Variants in ARSB observed in about 807,000 individuals in gnomAD.
ARSB encodes the protein N-acetylgalactosamine-4-sulfatase.
ARSB carries 41 observed loss-of-function variants against 50.9 expected under a neutral mutation model. The ratio of observed to expected loss-of-function variants is 0.81; its 90% CI spans 0.63 to 1.04. The LOEUF (loss-of-function observed/expected upper bound fraction) is 1.04. ARSB is among the 50% of genes least tolerant of loss of function. The probability of loss-of-function intolerance (pLI) is 0.00; values close to 1 mark genes in which losing one functional copy is unlikely to be tolerated. For missense variants in ARSB, 672 were observed against 693.3 expected, an observed-to-expected ratio of 0.97 and a Z score of 0.35; for synonymous variants, 269 against 284.8, an observed-to-expected ratio of 0.94 and a Z score of 0.56.
At chr5:78,854,295 A>G (rs2112068062) in intron 5 of ARSB, among the ~76,000 whole-genome samples, 1 of 152,180 alleles carries the variant, frequency 6.6e-6, no homozygotes, top group East Asian at 1.9e-4. Context: ...TTGCTTTTCT[A>G]GTTTCTTGAG....
At chr5:78,821,022 C>T (rs1316825147) in intron 6 of ARSB, among the ~76,000 whole-genome samples, 2 of 152,012 alleles carry the variant, frequency 1.3e-5, no homozygotes, top group East Asian at 1.9e-4. Context: ...TCCATAAATC[C>T]ATATTGTATA....
chr5:78,803,497 CTAA>C (rs1269503167), intron 6 of ARSB, among the ~76,000 whole-genome samples: 1 of 152,230 alleles, frequency 6.6e-6, no homozygotes, highest in Non-Finnish European at 1.5e-5. Context: ...CCTGGCAAAG[CTAA>C]GTGTGTGCTG....
At chr5:78,797,405 G>A (rs1743226338) in intron 6 of ARSB, among the ~76,000 whole-genome samples, 3 of 152,196 alleles carry the variant, frequency 2.0e-5, no homozygotes, top group Non-Finnish European at 4.4e-5. Flanking sequence ...CCAGACTGTT[G>A]TTTTGTGTAT....
chr5:78,972,039 A>G (rs1752474643), intron 1 of ARSB, among the ~76,000 whole-genome samples: 1 of 152,212 alleles, frequency 6.6e-6, no homozygotes, highest in Non-Finnish European at 1.5e-5. Flanking sequence ...CTGCTTTCTC[A>G]GTCCTGCTCT....
intron 1 of ARSB, among the ~76,000 whole-genome samples, chr5:78,969,556 T>C (rs141246743): frequency 5.9e-5 from 9 of 152,348 alleles, no homozygotes; most frequent in African/African-American, 2.2e-4. Flanking sequence ...GAAGTTGGTG[T>C]TTGATTAGAA....
chr5:78,935,955 C>G (rs1270567392), intron 4 of ARSB, among the ~76,000 whole-genome samples: 3 of 127,110 alleles, frequency 2.4e-5, no homozygotes, highest in Middle Eastern at 4.0e-3. Flanking sequence ...TCCCCTCCCC[C>G]CTTCTCTCCT....
chr5:78,866,348 C>G (rs1245538664), intron 5 of ARSB, among the ~76,000 whole-genome samples: 1 of 152,166 alleles, frequency 6.6e-6, no homozygotes, highest in Non-Finnish European at 1.5e-5. Flanking sequence ...GCCCTATTCA[C>G]TATCATGAGA....
At chr5:78,895,089 A>C (rs1748504025) in intron 4 of ARSB, among the ~76,000 whole-genome samples, 1 of 152,216 alleles carries the variant, frequency 6.6e-6, no homozygotes, top group South Asian at 2.1e-4. Context: ...CTGAGTTACC[A>C]CAATAGGCAC....
intron 6 of ARSB, among the ~76,000 whole-genome samples, chr5:78,838,430 G>T (rs1485797953): frequency 6.6e-6 from 1 of 152,216 alleles, no homozygotes; most frequent in Non-Finnish European, 1.5e-5. Flanking sequence ...GGGCCCGAGT[G>T]CCTGGTGACA....
At chr5:78,849,936 G>C (rs1265664058) in intron 5 of ARSB, among the ~76,000 whole-genome samples, 2 of 151,464 alleles carry the variant, frequency 1.3e-5, no homozygotes, top group Non-Finnish European at 2.9e-5. Context: ...TGCTGAAGTT[G>C]CTTATCAGCT....
intron 4 of ARSB, among the ~76,000 whole-genome samples, chr5:78,928,367 G>A (rs545073896): frequency 1.1e-3 from 149 of 133,208 alleles, no homozygotes; most frequent in African/African-American, 3.9e-3. Flanking sequence ...ACAGGCTGGA[G>A]TGCAGTGGTG....
chr5:78,979,952 A>C (rs768833837), intron 1 of ARSB, among the ~76,000 whole-genome samples: 1 of 152,226 alleles, frequency 6.6e-6, no homozygotes, highest in Non-Finnish European at 1.5e-5. Flanking sequence ...ATATCATGGA[A>C]TATTATTGAG....
chr5:78,852,396 C>G (rs146260217), intron 5 of ARSB, among the ~76,000 whole-genome samples: 35,056 of 152,150 alleles, frequency 0.23, 4,822 homozygotes, highest in Admixed American at 0.31. Flanking sequence ...CCACTCTCCT[C>G]TGGCTTGTAG....
chr5:78,851,582 G>C (rs1745786458), intron 5 of ARSB, among the ~76,000 whole-genome samples: 1 of 152,068 alleles, frequency 6.6e-6, no homozygotes, highest in Non-Finnish European at 1.5e-5. Flanking sequence ...AGGTCCGCTT[G>C]GTGCAGAGCT....
chr5:78,977,840 G>T (rs918916896), intron 1 of ARSB, among the ~76,000 whole-genome samples: 14 of 152,036 alleles, frequency 9.2e-5, no homozygotes, highest in Admixed American at 6.6e-5. Context: ...CACAATTAGG[G>T]CTAACAAGTT....
At chr5:78,850,836 T>C (rs187947083) in intron 5 of ARSB, among the ~76,000 whole-genome samples, 2 of 152,380 alleles carry the variant, frequency 1.3e-5, no homozygotes, top group African/African-American at 4.8e-5. Context: ...GATTTTCTAG[T>C]TTATTTGCAT....
At chr5:78,838,815 A>G (rs1391892507) in intron 6 of ARSB, among the ~76,000 whole-genome samples, 4 of 151,944 alleles carry the variant, frequency 2.6e-5, no homozygotes, top group Non-Finnish European at 5.9e-5. Flanking sequence ...GGCTCTTTAC[A>G]GGTTAATTTA....
chr5:78,985,152 C>CCAA lies in ARSB; in HGVS notation c.94_96dup (p.Leu32dup). 3 of 1,455,000 alleles carry CCAA rather than the reference C, an allele frequency of 2.1e-6. No individual in the cohort carries two copies. Among genetic ancestry groups the CCAA allele is most frequent in the Non-Finnish European group, 2.7e-6 (3 of 1,102,524 alleles). The allele number at this position is 1,455,000 out of a possible 1,614,324, so 90.1% of individuals were successfully genotyped here. ...GCCCCGGCGCCCGAGCCCGGCGGCGCCAACAACAGCAGCAGCAGCAGCGGG... is the reference window on the plus strand; with the variant it reads ...GCCCCGGCGCCCGAGCCCGGCGGCGCCAACAACAACAGCAGCAGCAGCAGCGGG... On this transcript the variant is annotated inframe_insertion, in exon 1 of 8. Transcript: ENST00000264914.
At chr5:78,862,252 T>C (rs972484288) in intron 5 of ARSB, among the ~76,000 whole-genome samples, 2 of 152,094 alleles carry the variant, frequency 1.3e-5, no homozygotes, top group African/African-American at 4.8e-5. Context: ...CTTCACAGAA[T>C]TGGAAAAAAC....
Sources: gnomAD v4.1 joint callset for allele counts (sites outside exome capture counted in the v4.1 genomes callset) on GRCh38, gnomAD v4.1.1 for gene constraint, MANE v1.5 for transcripts, NCBI Gene and HGNC (gene_info 2026-07-23, HGNC 2026-07-21) for gene names.